Variants in ILRUN observed in about 807,000 individuals in gnomAD.
ILRUN encodes inflammation and lipid regulator with UBA-like and NBR1-like domains.
ILRUN carries 3 observed loss-of-function variants against 33.8 expected under a neutral mutation model. That is an observed-to-expected ratio of 0.09 (90% CI 0.04 to 0.23). The LOEUF (loss-of-function observed/expected upper bound fraction) is 0.23, where lower values mean the gene tolerates loss of function less well. ILRUN is among the 10% of genes least tolerant of loss of function. The pLI is 1.00. For missense variants in ILRUN, 210 were observed against 375.1 expected (o/e 0.56, Z 3.64); for synonymous variants, 124 against 138.9 (o/e 0.89, Z 0.75).
chr6:34,635,211 T>C (rs942344692), intron 3 of ILRUN, among the ~76,000 whole-genome samples: 1 of 152,074 alleles, frequency 6.6e-6, no homozygotes, highest in Non-Finnish European at 1.5e-5. Flanking sequence ...TTCAAGATCA[T>C]GTCAAAACAA....
rs2744953 is a variant in ILRUN at position 34,688,685 on chromosome 6, C to G, written c.158+7761G>C. On this transcript the variant is annotated intron_variant, in intron 1 of 4. Coordinates refer to ENST00000374023, the MANE Select transcript of ILRUN (RefSeq NM_024294.4). Reference sequence around the variant, plus strand: ...AAAATTAGCCAGGCGTGATCTTGCACGCCTGTAATCCCAGATACTTGGGAC... The same window carrying G: ...AAAATTAGCCAGGCGTGATCTTGCAGGCCTGTAATCCCAGATACTTGGGAC... Among the ~76,000 whole-genome samples the G allele has an allele frequency of 2.6e-4, 40 of 151,996 alleles. No individual in the cohort carries two copies. The East Asian group carries it at 3.7e-3, about 14-fold the overall frequency.
chr6:34,590,538 T>A lies in ILRUN; in HGVS notation c.*27A>T. ...CCAAAGTCAGGCCTTCTGTCTTTTG[T>A]TAATTTTTCTTCTTGCTGACACCCG... is the stretch of plus-strand genomic sequence containing the variant. On this transcript the variant is annotated 3_prime_UTR_variant, in exon 5 of 5. Transcript: ENST00000374023. 1 of 1,613,950 alleles carries A rather than the reference T, an allele frequency of 6.2e-7. No individual in the cohort carries two copies.
At chr6:34,668,718 G>A (rs1383552357) in intron 1 of ILRUN, among the ~76,000 whole-genome samples, 1 of 152,026 alleles carries the variant, frequency 6.6e-6, no homozygotes, top group Admixed American at 6.6e-5. Context: ...CTGTCGCTGA[G>A]GCTGGAGTGC....
chr6:34,694,230 C>T (rs1367099808), intron 1 of ILRUN, among the ~76,000 whole-genome samples: 3 of 152,140 alleles, frequency 2.0e-5, no homozygotes. Context: ...CATTACACTG[C>T]TTTTGTAGCC....
chr6:34,612,852 C>T (rs1345796988), intron 3 of ILRUN, among the ~76,000 whole-genome samples: 2 of 152,098 alleles, frequency 1.3e-5, no homozygotes, highest in Non-Finnish European at 2.9e-5. Context: ...ACCATCCTGG[C>T]TAACACGGTG....
At chr6:34,663,812 C>T (rs1477626972) in intron 1 of ILRUN, among the ~76,000 whole-genome samples, 1 of 152,150 alleles carries the variant, frequency 6.6e-6, no homozygotes, top group Non-Finnish European at 1.5e-5. Context: ...AATAATGTCC[C>T]GGTCCCTGGA....
At chr6:34,630,348 C>T (rs1376545878) in intron 3 of ILRUN, among the ~76,000 whole-genome samples, 2 of 152,220 alleles carry the variant, frequency 1.3e-5, no homozygotes, top group Middle Eastern at 3.4e-3. Context: ...TTCCTATCCA[C>T]CAGATAGGGT....
At chr6:34,617,890 A>T (rs957144022) in intron 3 of ILRUN, among the ~76,000 whole-genome samples, 1 of 152,248 alleles carries the variant, frequency 6.6e-6, no homozygotes, top group Non-Finnish European at 1.5e-5. Context: ...GCACAAGTTC[A>T]CGCAGGAAAG....
chr6:34,683,449 TATACATATATATACATATATATAC>T (rs1562032955), intron 1 of ILRUN, among the ~76,000 whole-genome samples: 21 of 105,336 alleles, frequency 2.0e-4, no homozygotes, highest in African/African-American at 3.5e-4. Flanking sequence ...TACATATATA[TATACATATATATACATATATATAC>T]ACATATATAT....
In ILRUN at chr6:34,646,901, A is replaced by G. The variant is rs1230232366; in HGVS notation, c.314-103T>C. 8.0e-6 allele frequency: 8 copies of G among 999,992 alleles called. No individual in the cohort carries two copies. Among genetic ancestry groups the G allele is most frequent in the Non-Finnish European group, 1.2e-5 (8 of 654,776 alleles). The allele number at this position is 999,992 out of a possible 1,614,324, so 61.9% of individuals were successfully genotyped here. A position where few individuals can be genotyped will look rare whatever the true frequency, so the allele number is the denominator to read the frequency against. ...AGAGGCCTCTTTCTTTTTCTCACAT[A>G]CATACATAAACCTAACCACATATAC... On this transcript the variant is annotated intron_variant, in intron 2 of 4. Coordinates refer to ENST00000374023, the MANE Select transcript of ILRUN (RefSeq NM_024294.4). The surrounding 1 kb of genome is among the most constrained non-coding windows in gnomAD (Gnocchi z 4.9).
At position 34,592,418 on chromosome 6, in the gene ILRUN, C is replaced by T. The variant is rs1473992933; in HGVS notation, c.862-1818G>A. The stretch of plus-strand genomic sequence containing the variant: ...GCCAACCACGCCTCTAGCAGACGAG[C>T]TATGAACCATCTCAGCAGCCACAGC... On this transcript the variant is annotated intron_variant, in intron 4 of 4. Coordinates refer to ENST00000374023, the MANE Select transcript of ILRUN (RefSeq NM_024294.4). This position sits in a 1 kb window ranked among gnomAD's most constrained non-coding sequence, Gnocchi z 4.0. 6.6e-6 allele frequency among the ~76,000 whole-genome samples: 1 copy of T among 152,210 alleles called. No individual in the cohort carries two copies. Among genetic ancestry groups the T allele is most frequent in the African/African-American group, 2.4e-5 (1 of 41,470 alleles).
At chr6:34,634,159 T>C (rs1762306579) in intron 3 of ILRUN, among the ~76,000 whole-genome samples, 1 of 152,098 alleles carries the variant, frequency 6.6e-6, no homozygotes. Flanking sequence ...AGATAAAAAT[T>C]TCCAAACGTT....
In ILRUN at chr6:34,684,240, A is replaced by T. The variant is rs558903452; in HGVS notation, c.158+12206T>A. Among the ~76,000 whole-genome samples, 10 of 152,328 alleles carry T rather than the reference A, an allele frequency of 6.6e-5. No homozygotes were observed. The East Asian group carries it at 1.9e-3, about 29-fold the overall frequency. ...TTATAAAGGCAAGGCTTTCCAGTTC[A>T]CACACCTTCAATTGTTACCCATCTG... On this transcript the variant is annotated intron_variant, in intron 1 of 4. Coordinates refer to ENST00000374023, the MANE Select transcript of ILRUN (RefSeq NM_024294.4).
chr6:34,630,671 C>A (rs1168897564), intron 3 of ILRUN, among the ~76,000 whole-genome samples: 1 of 152,166 alleles, frequency 6.6e-6, no homozygotes, highest in African/African-American at 2.4e-5. Flanking sequence ...GTGAGCCACA[C>A]CGCCTGGCCC....
intron 2 of ILRUN, among the ~76,000 whole-genome samples, chr6:34,653,154 A>AAAAG (rs35300607): frequency 0.13 from 19,083 of 144,308 alleles, 1,457 homozygotes; most frequent in African/African-American, 0.15. Context: ...AAAAAAAAGA[A>AAAAG]AAAGAAAGAA....
intron 3 of ILRUN, among the ~76,000 whole-genome samples, chr6:34,623,536 CTGAG>C (rs1762049781): frequency 6.6e-6 from 1 of 152,126 alleles, no homozygotes; most frequent in Admixed American, 6.5e-5. Context: ...AAAGCATAAT[CTGAG>C]TGGGTAATAG....
chr6:34,617,404 C>T (rs935645576), intron 3 of ILRUN: 2 of 257,930 alleles, frequency 7.8e-6, no homozygotes, highest in African/African-American at 4.6e-5. Flanking sequence ...TGTGTGCATA[C>T]CATTGTGAAA....
At chr6:34,650,455 G>T (rs1762642256) in intron 2 of ILRUN, among the ~76,000 whole-genome samples, 1 of 140,738 alleles carries the variant, frequency 7.1e-6, no homozygotes, top group Non-Finnish European at 1.6e-5. Context: ...TTATTTATGA[G>T]TCGGAGTCTC....
chr6:34,649,334 G>A (rs572687131), intron 2 of ILRUN, among the ~76,000 whole-genome samples: 1 of 152,276 alleles, frequency 6.6e-6, no homozygotes, highest in East Asian at 1.9e-4. Context: ...AAACATACCT[G>A]AAATCTGAGT....
Sources: gnomAD v4.1 joint callset for allele counts (sites outside exome capture counted in the v4.1 genomes callset) on GRCh38, gnomAD v4.1.1 for gene constraint, Gnocchi (gnomAD v3.1) non-coding constraint, MANE v1.5 for transcripts, NCBI Gene and HGNC (gene_info 2026-07-23, HGNC 2026-07-21) for gene names.